The following GREB1 variants were observed in gnomAD, a reference collection of about 807,000 sequenced individuals.
The protein encoded by GREB1 is growth regulating estrogen receptor binding 1.
GREB1 carries 106 observed loss-of-function variants against 200.7 expected under a neutral mutation model. The ratio of observed to expected loss-of-function variants is 0.53; its 90% confidence interval spans 0.45 to 0.62. The LOEUF (loss-of-function observed/expected upper bound fraction) is 0.62, where lower values mean the gene tolerates loss of function less well. GREB1 is among the 20% of genes least tolerant of loss of function. GREB1 has a pLI of 0.00. For missense variants in GREB1, 2,243 were observed against 2,556.8 expected (o/e 0.88, Z 2.65); for synonymous variants, 1,132 against 1,092.4 (o/e 1.04, Z -0.72).
In GREB1 at chr2:11,640,490, C is replaced by T. The variant is rs767562192; in HGVS notation, c.*36C>T. ...GGCGAGTTTTCTGAAGAGATGAGTG[C>T]TCAGAGCCCTCATGCTGTTGAGGCT... On this transcript the variant is annotated 3_prime_UTR_variant, in exon 33 of 33. Transcript: ENST00000381486. This position sits in a 1 kb window ranked among gnomAD's most constrained non-coding sequence, Gnocchi z 4.6. 6.2e-7 allele frequency: 1 copy of T among 1,608,442 alleles called. No homozygotes were observed. Among genetic ancestry groups the T allele is most frequent in the Non-Finnish European group, 8.5e-7 (1 of 1,175,768 alleles).
At chr2:11,519,001 G>C (rs1355800371) in intron 1 of GREB1, among the ~76,000 whole-genome samples, 2 of 151,680 alleles carry the variant, frequency 1.3e-5, no homozygotes, top group African/African-American at 4.8e-5. Flanking sequence ...TTGGGAGGCT[G>C]AGGCAGGATG....
At chr2:11,614,967 A>G in intron 19 of GREB1, 124 bp from the exon 20 acceptor site, 1 of 717,464 alleles carries the variant, frequency 1.4e-6, no homozygotes. Context: ...TTCCACTTGT[A>G]CGAGTCCTTG....
intron 15 of GREB1, among the ~76,000 whole-genome samples, chr2:11,600,149 A>G (rs1276200722): frequency 1.3e-5 from 2 of 152,208 alleles, no homozygotes; most frequent in African/African-American, 4.8e-5. Context: ...GGAAATCGGA[A>G]CATTCCGAAA....
rs78613306 is a variant in GREB1, at chr2:11,604,350, C to G, written c.2666+1808C>G. On this transcript the variant is annotated intron_variant, in intron 17 of 32. Coordinates refer to ENST00000381486, the MANE Select transcript of GREB1 (RefSeq NM_014668.4). ...CGATTTTCTTTGGGGATGATAACACCTACATCATAGAGGTACTATAAGGAT... is the reference window on the plus strand; with the variant it reads ...CGATTTTCTTTGGGGATGATAACACGTACATCATAGAGGTACTATAAGGAT... Among the ~76,000 whole-genome samples, 592 of 152,244 alleles carry G rather than the reference C, an allele frequency of 3.9e-3. 4 individuals are homozygous for G. Among genetic ancestry groups the G allele is most frequent in the African/African-American group, 0.014 (569 of 41,530 alleles).
At chr2:11,522,744 G>A (rs1306608619) in intron 1 of GREB1, among the ~76,000 whole-genome samples, 2 of 152,188 alleles carry the variant, frequency 1.3e-5, no homozygotes, top group African/African-American at 2.4e-5. Context: ...CCGCTGGGGA[G>A]CATCTTAGCT....
chr2:11,543,980 G>A (rs1009296009), intron 1 of GREB1, among the ~76,000 whole-genome samples: 4 of 152,132 alleles, frequency 2.6e-5, no homozygotes, highest in African/African-American at 7.2e-5. Context: ...AAAATGATGA[G>A]TGTACAGCAC....
At chr2:11,499,963 G>A (rs891114829) in intron 1 of GREB1, among the ~76,000 whole-genome samples, 2 of 151,484 alleles carry the variant, frequency 1.3e-5, no homozygotes, top group African/African-American at 4.9e-5. Context: ...TGGTATTGTT[G>A]CCCTTTCTGA....
chr2:11,545,024 A>G (rs1032256583), intron 1 of GREB1, among the ~76,000 whole-genome samples: 1 of 152,024 alleles, frequency 6.6e-6, no homozygotes, highest in Non-Finnish European at 1.5e-5. Flanking sequence ...CATGTTGGCC[A>G]GGCTGGTCTC....
At chr2:11,577,584 G>A (rs139159555) in intron 5 of GREB1, among the ~76,000 whole-genome samples, 65 of 152,284 alleles carry the variant, frequency 4.3e-4, no homozygotes, top group African/African-American at 1.1e-3. Flanking sequence ...GATCCTCAGC[G>A]GCCTGCCATG....
chr2:11,549,209 C>T (rs2147805079), intron 1 of GREB1, among the ~76,000 whole-genome samples: 1 of 152,212 alleles, frequency 6.6e-6, no homozygotes, highest in Non-Finnish European at 1.5e-5. Context: ...AGAACTCCTT[C>T]TGGGCCTCAT....
At chr2:11,527,272 T>C (rs1181734524) in intron 1 of GREB1, among the ~76,000 whole-genome samples, 1 of 152,246 alleles carries the variant, frequency 6.6e-6, no homozygotes, top group Non-Finnish European at 1.5e-5. Flanking sequence ...GTCATATTAT[T>C]AGAAAGAAAG....
chr2:11,623,685 G>T (rs1054539779), intron 23 of GREB1, among the ~76,000 whole-genome samples: 1 of 152,208 alleles, frequency 6.6e-6, no homozygotes, highest in Non-Finnish European at 1.5e-5. Flanking sequence ...GAGGCCAGGA[G>T]TTTGAGACCA....
chr2:11,581,957 G>A (rs1480500246), intron 7 of GREB1, among the ~76,000 whole-genome samples: 2 of 152,234 alleles, frequency 1.3e-5, no homozygotes, highest in African/African-American at 4.8e-5. Flanking sequence ...CCTGGAGTCC[G>A]AAACCCACAG....
chr2:11,525,224 G>A (rs1673830847), intron 1 of GREB1, among the ~76,000 whole-genome samples: 1 of 152,188 alleles, frequency 6.6e-6, no homozygotes, highest in Admixed American at 6.5e-5. Context: ...TGGCATCCGG[G>A]CTGGGCACGG....
rs775310006 is a variant in GREB1, at chr2:11,618,649, T to G, written c.3774T>G (p.Ile1258Met). The change falls in exon 22 of 33, where the codon ATT becomes ATG. Residue 1258 changes from isoleucine (I) to methionine (M), a missense_variant. Coordinates refer to ENST00000381486, the MANE Select transcript of GREB1 (RefSeq NM_014668.4). ...SLTKACRQPP[I>M]VFLPKLVYDM... ...CCAAGGCCTGCCGCCAGCCACCCAT[T>G]GTCTTCTTGCCCAAGCTCGTGTACG... is the stretch of plus-strand genomic sequence containing the variant. 9.9e-6 allele frequency: 16 copies of G among 1,613,476 alleles called. No homozygotes were observed. The highest frequency in any genetic ancestry group is 1.4e-5 in the Non-Finnish European group (16 of 1,179,968).
chr2:11,634,395 G>A (rs766022594), intron 29 of GREB1, 46 bp downstream of exon 29: 36 of 1,490,306 alleles, frequency 2.4e-5, no homozygotes, highest in South Asian at 3.5e-5. Flanking sequence ...CCCTGGGGGC[G>A]CAGAGTCCTG....
chr2:11,587,693 TAACACACA>T lies in GREB1; in HGVS notation c.1160-1052_1160-1045del, dbSNP rs1288825351. Reference sequence around the variant, plus strand: ...TAAATGGAGTACCTGGAGTACAAGATAACACACACACACACACACACACACACACACAC... The same window carrying T: ...TAAATGGAGTACCTGGAGTACAAGATCACACACACACACACACACACACAC... On this transcript the variant is annotated intron_variant, in intron 9 of 32. Coordinates refer to ENST00000381486, the MANE Select transcript of GREB1 (RefSeq NM_014668.4). The T allele has an allele frequency of 4.8e-3, 4,662 of 979,680 alleles. 56 individuals carry two copies. Among genetic ancestry groups the T allele is most frequent in the Middle Eastern group, 0.017 (38 of 2,216 alleles). 60.7% of individuals were successfully genotyped at this position (979,680 alleles called of 1,614,324 possible). A position where few individuals can be genotyped will look rare whatever the true frequency, so the allele number is the denominator to read the frequency against.
Position 11,598,974 on chromosome 2 carries a change from T to C in GREB1, c.2333+114T>C, listed in dbSNP as rs551067772. 2.3e-5 allele frequency: 21 copies of C among 896,860 alleles called. No individual in the cohort carries two copies. In the East Asian group the frequency reaches 4.8e-4, roughly 21 times the overall value. 55.6% of individuals were successfully genotyped at this position (896,860 alleles called of 1,614,324 possible). ...CTGAAAAGATGGATGATGTTTGGGCTTGGTGTTTCTAAGCAGATGCCATGG... is the reference window on the plus strand; with the variant it reads ...CTGAAAAGATGGATGATGTTTGGGCCTGGTGTTTCTAAGCAGATGCCATGG... On this transcript the variant is annotated intron_variant, in intron 15 of 32. Coordinates refer to ENST00000381486, the MANE Select transcript of GREB1 (RefSeq NM_014668.4).
chr2:11,588,985 A>C, intron 10 of GREB1, 54 bp downstream of exon 10: 2 of 1,461,018 alleles, frequency 1.4e-6, no homozygotes, highest in Non-Finnish European at 1.9e-6. Context: ...CAGCCCGAGC[A>C]CAGACCTGGC....
Sources: gnomAD v4.1 joint callset for allele counts (sites outside exome capture counted in the v4.1 genomes callset) on GRCh38, gnomAD v4.1.1 for gene constraint, Gnocchi (gnomAD v3.1) non-coding constraint, MANE v1.5 for transcripts, NCBI Gene and HGNC (gene_info 2026-07-23, HGNC 2026-07-21) for gene names.